Variants in RBFOX1 observed in about 807,000 individuals in gnomAD.
RBFOX1 encodes RNA binding fox-1 homolog 1.
A neutral mutation model predicts 57.7 loss-of-function variants in RBFOX1; 8 were observed. The observed-to-expected ratio is 0.14, with a 90% confidence interval of 0.08 to 0.25. RBFOX1 has a LOEUF of 0.25. RBFOX1 is among the 10% of genes least tolerant of loss of function. The pLI is 1.00. For missense variants in RBFOX1, 611 were observed against 548.5 expected (o/e 1.11, Z -1.14); for synonymous variants, 326 against 222.4 (o/e 1.47, Z -4.15).
chr16:5,657,737 C>CTTTT (rs144589835), intron 3 of RBFOX1, among the ~76,000 whole-genome samples: 1 of 115,346 alleles, frequency 8.7e-6, no homozygotes, highest in African/African-American at 3.1e-5. Flanking sequence ...CTTTTCTTTT[C>CTTTT]TTTTTTTTTT....
At chr16:6,369,523 T>C (rs1216904046) in intron 2 of RBFOX1, among the ~76,000 whole-genome samples, 3 of 152,140 alleles carry the variant, frequency 2.0e-5, no homozygotes, top group Non-Finnish European at 4.4e-5. Context: ...TTCATATGAA[T>C]TCCTCTCTTT....
intron 2 of RBFOX1, among the ~76,000 whole-genome samples, chr16:6,458,196 C>A (rs1328378121): frequency 6.6e-6 from 1 of 152,166 alleles, no homozygotes; most frequent in Non-Finnish European, 1.5e-5. Flanking sequence ...CTGTGTTATC[C>A]TGAGCTCTGG....
At chr16:7,561,182 C>A (rs1056742027) in intron 5 of RBFOX1, among the ~76,000 whole-genome samples, 1 of 152,198 alleles carries the variant, frequency 6.6e-6, no homozygotes, top group African/African-American at 2.4e-5. Flanking sequence ...GAGCTCAGAC[C>A]AAATCCAGCC....
intron 3 of RBFOX1, among the ~76,000 whole-genome samples, chr16:5,724,111 C>G (rs904298544): frequency 6.6e-6 from 1 of 152,104 alleles, no homozygotes; most frequent in Non-Finnish European, 1.5e-5. Context: ...GGTGGAGTGA[C>G]AGATGTTGTG....
At chr16:5,960,327 G>T (rs937417851) in intron 4 of RBFOX1, among the ~76,000 whole-genome samples, 1 of 152,174 alleles carries the variant, frequency 6.6e-6, no homozygotes, top group African/African-American at 2.4e-5. Flanking sequence ...GCTGAAAGAA[G>T]TTATTATTTA....
At chr16:6,338,637 C>G (rs1243883469) in intron 2 of RBFOX1, among the ~76,000 whole-genome samples, 1 of 152,074 alleles carries the variant, frequency 6.6e-6, no homozygotes, top group Non-Finnish European at 1.5e-5. Context: ...GTTAGAAATC[C>G]ACAACAGTGG....
At chr16:5,807,090 T>A (rs2055254875) in intron 3 of RBFOX1, among the ~76,000 whole-genome samples, 1 of 152,158 alleles carries the variant, frequency 6.6e-6, no homozygotes, top group African/African-American at 2.4e-5. Context: ...CAGGCTTTGG[T>A]GTGAAATGTC....
chr16:5,587,441 G>A (rs150679438), intron 2 of RBFOX1, among the ~76,000 whole-genome samples: 1,597 of 152,302 alleles, frequency 0.01, 34 homozygotes, highest in African/African-American at 0.036. Context: ...GGCCTGGTGC[G>A]GTCGCTCACG....
intron 1 of RBFOX1, among the ~76,000 whole-genome samples, chr16:5,337,913 G>C (rs2064939135): frequency 6.6e-6 from 1 of 152,168 alleles, no homozygotes; most frequent in Non-Finnish European, 1.5e-5. Flanking sequence ...ACATGGTGGT[G>C]CATATCTGTA....
At chr16:5,304,564 C>T (rs2063886027) in intron 1 of RBFOX1, among the ~76,000 whole-genome samples, 1 of 152,220 alleles carries the variant, frequency 6.6e-6, no homozygotes, top group Non-Finnish European at 1.5e-5. Flanking sequence ...TTCACCCATT[C>T]ATTCATTCAT....
chr16:6,789,611 A>G (rs188587840), intron 3 of RBFOX1, among the ~76,000 whole-genome samples: 134 of 152,296 alleles, frequency 8.8e-4, no homozygotes, highest in African/African-American at 3.1e-3. Flanking sequence ...TGCTGTGCCC[A>G]TCTTTGCATA....
intron 1 of RBFOX1, among the ~76,000 whole-genome samples, chr16:6,190,666 A>G (rs1439059416): frequency 2.6e-5 from 4 of 152,026 alleles, no homozygotes; most frequent in Admixed American, 1.3e-4. Context: ...ACAGCCACCA[A>G]TTTCCCCTCT....
intron 2 of RBFOX1, among the ~76,000 whole-genome samples, chr16:6,634,494 A>C (rs955130865): frequency 6.0e-5 from 9 of 149,648 alleles, no homozygotes; most frequent in Admixed American, 4.7e-4. Context: ...ATACTTATAT[A>C]ATATTATATC....
chr16:7,180,563 A>G (rs1187764351), intron 4 of RBFOX1, among the ~76,000 whole-genome samples: 6 of 152,144 alleles, frequency 3.9e-5, no homozygotes, highest in African/African-American at 1.4e-4. Flanking sequence ...AAATGAGGTG[A>G]CATTAAGGAT....
At chr16:6,868,066 C>G (rs77615770) in intron 3 of RBFOX1, among the ~76,000 whole-genome samples, 1 of 151,858 alleles carries the variant, frequency 6.6e-6, no homozygotes, top group East Asian at 1.9e-4. Flanking sequence ...ATGTTTTTGC[C>G]GTATGGGTGT....
chr16:5,361,582 A>G (rs1012564069), intron 1 of RBFOX1, among the ~76,000 whole-genome samples: 1 of 152,358 alleles, frequency 6.6e-6, no homozygotes, highest in African/African-American at 2.4e-5. Context: ...AAGAGTTTCA[A>G]GACAGTGACA....
chr16:6,711,668 A>G (rs1416934919), intron 3 of RBFOX1, among the ~76,000 whole-genome samples: 1 of 152,130 alleles, frequency 6.6e-6, no homozygotes, highest in Non-Finnish European at 1.5e-5. Context: ...GGAACTGTGA[A>G]TCAGTTAAAC....
intron 1 of RBFOX1, among the ~76,000 whole-genome samples, chr16:6,203,880 G>C (rs1207595952): frequency 1.3e-5 from 2 of 152,036 alleles, no homozygotes; most frequent in Non-Finnish European, 2.9e-5. Context: ...TGTATCTCAA[G>C]GCAAAGCAAC....
chr16:6,911,034 C>G (rs1394286414), intron 3 of RBFOX1, among the ~76,000 whole-genome samples: 1 of 152,008 alleles, frequency 6.6e-6, no homozygotes, highest in African/African-American at 2.4e-5. Context: ...AACCCCGTCT[C>G]TACCAAAAAT....
Sources: allele counts gnomAD v4.1 joint callset (sites outside exome capture counted in the v4.1 genomes callset), GRCh38; gene constraint gnomAD v4.1.1; transcripts MANE v1.5; gene names NCBI Gene and HGNC (gene_info 2026-07-23, HGNC 2026-07-21).